Variants in COL13A1 observed in about 807,000 individuals in gnomAD.
The protein encoded by COL13A1 is collagen alpha-1(XIII) chain.
COL13A1 carries 89 observed loss-of-function variants against 130.9 expected under a neutral mutation model. The ratio of observed to expected loss-of-function variants is 0.68; its 90% CI spans 0.57 to 0.81. The LOEUF (loss-of-function observed/expected upper bound fraction) is 0.81. COL13A1 is among the 30% of genes least tolerant of loss of function. The probability of loss-of-function intolerance (pLI) is 0.00; values close to 1 mark genes in which losing one functional copy is unlikely to be tolerated. For missense variants in COL13A1, 879 were observed against 934.6 expected (o/e 0.94, Z 0.78); for synonymous variants, 402 against 341.6 (o/e 1.18, Z -1.95).
rs369845679 is a variant in COL13A1, at chr10:69,915,559, A to G, written c.922-1730A>G. Among the ~76,000 whole-genome samples, 55 of 152,330 alleles carry G rather than the reference A, an allele frequency of 3.6e-4. 3 individuals are homozygous for G. The East Asian group carries it at 4.4e-3, about 12-fold the overall frequency. Reference sequence around the variant, plus strand: ...ACAAACGCTAAGTGGTCCCTGTCGCATTGAGGATGCAGCGCTGAGTTATAG... The same window carrying G: ...ACAAACGCTAAGTGGTCCCTGTCGCGTTGAGGATGCAGCGCTGAGTTATAG... On this transcript the variant is annotated intron_variant, in intron 17 of 40. Transcript: ENST00000645393.
intron 24 of COL13A1, among the ~76,000 whole-genome samples, chr10:69,924,607 C>T: frequency 6.6e-6 from 1 of 152,062 alleles, no homozygotes; most frequent in East Asian, 1.9e-4. Flanking sequence ...CTGCTGAGTC[C>T]TGGATACCTG....
intron 2 of COL13A1, among the ~76,000 whole-genome samples, chr10:69,844,927 T>G (rs1852591228): frequency 6.6e-6 from 1 of 152,230 alleles, no homozygotes; most frequent in Non-Finnish European, 1.5e-5. Flanking sequence ...GCCTGGGCTC[T>G]GTTTTGGGAA....
At chr10:69,933,905 A>G (rs1417413156) in intron 31 of COL13A1, among the ~76,000 whole-genome samples, 1 of 152,208 alleles carries the variant, frequency 6.6e-6, no homozygotes, top group Non-Finnish European at 1.5e-5. Flanking sequence ...CACTCCACCC[A>G]GTGAATAGCA....
At chr10:69,808,841 C>T (rs952348310) in intron 1 of COL13A1, among the ~76,000 whole-genome samples, 24 of 152,320 alleles carry the variant, frequency 1.6e-4, no homozygotes, top group African/African-American at 3.6e-4. Flanking sequence ...GCAGCGTCCC[C>T]GGCCCTGGAC....
chr10:69,858,070 C>T (rs1267069298), intron 2 of COL13A1, among the ~76,000 whole-genome samples: 6 of 138,520 alleles, frequency 4.3e-5, no homozygotes, highest in African/African-American at 1.1e-4. Context: ...GAGCCGAGAT[C>T]GTGCCACTGC....
intron 2 of COL13A1, among the ~76,000 whole-genome samples, chr10:69,859,817 T>C (rs1429687638): frequency 6.6e-6 from 1 of 152,214 alleles, no homozygotes; most frequent in Non-Finnish European, 1.5e-5. Flanking sequence ...TGTGCGAGCT[T>C]CCAGACAGCA....
chr10:69,897,901 G>A (rs1181546744), intron 13 of COL13A1, among the ~76,000 whole-genome samples: 1 of 152,216 alleles, frequency 6.6e-6, no homozygotes, highest in East Asian at 1.9e-4. Context: ...ACTGGAAGCT[G>A]CAACAATTTC....
At chr10:69,942,420 C>T (rs1240409121) in intron 35 of COL13A1, among the ~76,000 whole-genome samples, 3 of 152,150 alleles carry the variant, frequency 2.0e-5, no homozygotes, top group Non-Finnish European at 4.4e-5. Flanking sequence ...GGGCAGGGCT[C>T]GGGGATGATC....
At chr10:69,945,336 T>C (rs1258344447) in intron 36 of COL13A1, among the ~76,000 whole-genome samples, 3 of 152,154 alleles carry the variant, frequency 2.0e-5, no homozygotes, top group Non-Finnish European at 4.4e-5. Flanking sequence ...AAAGCAAAGC[T>C]CTCTTTCTCT....
chr10:69,952,799 TTTC>T, intron 38 of COL13A1, 80 bp from the exon 39 acceptor site: 1 of 983,618 alleles, frequency 1.0e-6, no homozygotes, highest in Non-Finnish European at 1.5e-6. Flanking sequence ...TAATTTTATT[TTTC>T]TTTTTCTGTC....
chr10:69,949,913 G>T, intron 38 of COL13A1, among the ~76,000 whole-genome samples: 1 of 102,122 alleles, frequency 9.8e-6, no homozygotes, highest in East Asian at 2.9e-4. Context: ...TTGGGGGGGT[G>T]GGGGGTGCAC....
At chr10:69,908,932 G>A (rs980541863) in intron 17 of COL13A1, among the ~76,000 whole-genome samples, 9 of 150,810 alleles carry the variant, frequency 6.0e-5, no homozygotes, top group South Asian at 2.1e-4. Flanking sequence ...CTTCCTAATC[G>A]CCAGATGCCT....
rs1040669700 is a variant in COL13A1 at position 69,935,723 on chromosome 10, G to A, written c.1770+332G>A. On this transcript the variant is annotated intron_variant, in intron 32 of 40. Transcript: ENST00000645393. ...ATTCCTCATTTGAAAGTGACTCACC[G>A]GTCTGGCACAGTGGCTCACGCCCGT... Among the ~76,000 whole-genome samples, 7 of 152,244 alleles carry A rather than the reference G, an allele frequency of 4.6e-5. No homozygotes were observed. In the East Asian group the frequency reaches 7.8e-4, roughly 17 times the overall value.
chr10:69,877,134 T>G (rs554880736), intron 5 of COL13A1, among the ~76,000 whole-genome samples: 1 of 152,222 alleles, frequency 6.6e-6, no homozygotes, highest in Non-Finnish European at 1.5e-5. Flanking sequence ...TGGCTGCCCA[T>G]TAGGGGTCCT....
At chr10:69,885,591 C>T (rs1404070356) in intron 7 of COL13A1, among the ~76,000 whole-genome samples, 1 of 152,146 alleles carries the variant, frequency 6.6e-6, no homozygotes, top group Non-Finnish European at 1.5e-5. Context: ...CATCCTGCTA[C>T]CAGGGCAGGC....
At chr10:69,925,102 T>C in intron 25 of COL13A1, 95 bp downstream of exon 25, 2 of 1,316,744 alleles carry the variant, frequency 1.5e-6, no homozygotes, top group Non-Finnish European at 2.0e-6. Flanking sequence ...AGAAGTTTAT[T>C]TTGCCAAGGT....
At chr10:69,912,736 G>T (rs2063518639) in intron 17 of COL13A1, among the ~76,000 whole-genome samples, 1 of 152,186 alleles carries the variant, frequency 6.6e-6, no homozygotes, top group Non-Finnish European at 1.5e-5. Context: ...TCCCTGGCCT[G>T]ACCTTGGCTG....
At chr10:69,919,982 G>T (rs551697281) in intron 21 of COL13A1, among the ~76,000 whole-genome samples, 1 of 152,270 alleles carries the variant, frequency 6.6e-6, no homozygotes, top group East Asian at 1.9e-4. Flanking sequence ...TTCCACCTCT[G>T]CTCCCCAAGG....
At chr10:69,933,167 A>G (rs927428672) in intron 31 of COL13A1, among the ~76,000 whole-genome samples, 4 of 118,432 alleles carry the variant, frequency 3.4e-5, no homozygotes, top group South Asian at 2.8e-4. Context: ...AAAAAAAAAA[A>G]CAGAACCATC....
Sources: allele counts gnomAD v4.1 joint callset (sites outside exome capture counted in the v4.1 genomes callset), GRCh38; gene constraint gnomAD v4.1.1; transcripts MANE v1.5; gene names NCBI Gene and HGNC (gene_info 2026-07-23, HGNC 2026-07-21).